The following PTPRD variants were observed in gnomAD, a reference collection of about 807,000 sequenced individuals.
The protein encoded by PTPRD is receptor-type tyrosine-protein phosphatase delta.
Under a neutral mutation model 214.5 loss-of-function variants are expected in PTPRD, and 34 were observed. The ratio of observed to expected loss-of-function variants is 0.16; its 90% CI spans 0.12 to 0.21. The LOEUF (loss-of-function observed/expected upper bound fraction) is 0.21. Among genes scored for constraint, PTPRD ranks in the 10% least tolerant of loss-of-function variants. PTPRD has a pLI of 1.00. For synonymous variants in PTPRD, 1,128 were observed against 845.7 expected (o/e 1.33, Z -5.79); for missense variants, 2,545 against 2,398.7 (o/e 1.06, Z -1.27).
intron 6 of PTPRD, among the ~76,000 whole-genome samples, chr9:9,744,703 T>C (rs1293379907): frequency 1.3e-5 from 2 of 151,608 alleles, no homozygotes; most frequent in African/African-American, 4.8e-5. Context: ...AGTAAAAGAG[T>C]AAACAAATTA....
In PTPRD at chr9:9,426,621, C is replaced by G. The variant is rs574446650; in HGVS notation, c.-236-29139G>C. Among the ~76,000 whole-genome samples the G allele has an allele frequency of 4.8e-4, 73 of 152,342 alleles. 1 individual carries two copies. Among genetic ancestry groups the G allele is most frequent in the African/African-American group, 1.6e-3 (67 of 41,594 alleles). On this transcript the variant is annotated intron_variant, in intron 8 of 45. Coordinates refer to ENST00000381196, the MANE Select transcript of PTPRD (RefSeq NM_002839.4). ...AGAGACTGCCTCCTCAAGTGGGACC[C>G]TGACCCCCGAGTCGCCTAACTGGAA...
chr9:9,347,510 A>T (rs534531032), intron 9 of PTPRD, among the ~76,000 whole-genome samples: 1 of 152,000 alleles, frequency 6.6e-6, no homozygotes, highest in African/African-American at 2.4e-5. Context: ...GGCCCTTACT[A>T]TATACAGGTG....
At chr9:9,613,082 C>T (rs1269768569) in intron 7 of PTPRD, among the ~76,000 whole-genome samples, 1 of 137,330 alleles carries the variant, frequency 7.3e-6, no homozygotes, top group East Asian at 2.3e-4. Context: ...GATGCTGATG[C>T]TGCTGGTTCA....
chr9:9,528,217 T>C (rs528972373), intron 8 of PTPRD, among the ~76,000 whole-genome samples: 134 of 152,238 alleles, frequency 8.8e-4, no homozygotes, highest in African/African-American at 2.9e-3. Context: ...CACTGAGCAA[T>C]TGTCTGTGTA....
intron 11 of PTPRD, among the ~76,000 whole-genome samples, chr9:8,764,681 T>C (rs894556514): frequency 2.6e-5 from 4 of 151,794 alleles, no homozygotes; most frequent in Non-Finnish European, 5.9e-5. Context: ...TGTAATCCCA[T>C]CTACTCAGGA....
chr9:9,323,843 C>T (rs553077049), intron 9 of PTPRD, among the ~76,000 whole-genome samples: 10 of 152,126 alleles, frequency 6.6e-5, no homozygotes, highest in Admixed American at 1.3e-4. Flanking sequence ...CCTACCCCAT[C>T]CCCGCACCCC....
At chr9:8,746,814 C>T (rs113286063) in intron 11 of PTPRD, among the ~76,000 whole-genome samples, 10,768 of 152,108 alleles carry the variant, frequency 0.071, 1,006 homozygotes, top group African/African-American at 0.22. Context: ...GGCAACATAA[C>T]AAGACCCCAT....
chr9:8,505,643 AAAGAAG>A (rs1183120746), intron 22 of PTPRD, among the ~76,000 whole-genome samples: 3 of 123,378 alleles, frequency 2.4e-5, no homozygotes, highest in South Asian at 2.6e-4. Flanking sequence ...AAAAAAAAAA[AAAGAAG>A]AAGAAGAAGA....
intron 2 of PTPRD, among the ~76,000 whole-genome samples, chr9:10,389,203 A>G (rs143958724): frequency 1.3e-5 from 2 of 151,960 alleles, no homozygotes; most frequent in Admixed American, 1.3e-4. Context: ...TAACCATATA[A>G]TCATGTTTTT....
In PTPRD at chr9:8,975,697, T is replaced by A. The variant is rs1428529676; in HGVS notation, c.-104+43000A>T. Among the ~76,000 whole-genome samples, 7 of 151,836 alleles carry A rather than the reference T, an allele frequency of 4.6e-5. 1 individual carries two copies. Among genetic ancestry groups the A allele is most frequent in the Non-Finnish European group, 1.0e-4 (7 of 67,894 alleles). ...TAAACATTTTGGATAAATATGTAAC[T>A]CTGATACTTTTTAGATATATTAAAA... On this transcript the variant is annotated intron_variant, in intron 11 of 45. Transcript: ENST00000381196.
intron 9 of PTPRD, among the ~76,000 whole-genome samples, chr9:9,266,636 T>C (rs1164278350): frequency 1.4e-5 from 2 of 147,898 alleles, no homozygotes; most frequent in Non-Finnish European, 3.0e-5. Flanking sequence ...GAAATTAAGG[T>C]GTAAATAAGT....
chr9:10,092,961 C>T (rs984320043), intron 3 of PTPRD, among the ~76,000 whole-genome samples: 21 of 151,274 alleles, frequency 1.4e-4, no homozygotes, highest in Admixed American at 3.3e-4. Flanking sequence ...TCAAGATAGA[C>T]TGAAGATTTA....
intron 9 of PTPRD, among the ~76,000 whole-genome samples, chr9:9,363,149 A>C (rs2056795174): frequency 7.1e-6 from 1 of 140,218 alleles, no homozygotes; most frequent in Non-Finnish European, 1.5e-5. Flanking sequence ...TTGTGGTCAC[A>C]TTAGAACTGG....
chr9:9,482,987 G>C (rs890436281), intron 8 of PTPRD, among the ~76,000 whole-genome samples: 6 of 152,086 alleles, frequency 3.9e-5, no homozygotes, highest in Non-Finnish European at 7.4e-5. Flanking sequence ...ATATTTAAAA[G>C]TTGATTTTTC....
At chr9:8,497,571 T>C (rs1256939667) in intron 25 of PTPRD, among the ~76,000 whole-genome samples, 3 of 152,234 alleles carry the variant, frequency 2.0e-5, no homozygotes, top group Non-Finnish European at 4.4e-5. Context: ...CCTACTCGTA[T>C]TTATTTTGAC....
chr9:9,684,244 T>C (rs1361149919), intron 7 of PTPRD, among the ~76,000 whole-genome samples: 1 of 151,750 alleles, frequency 6.6e-6, no homozygotes, highest in Non-Finnish European at 1.5e-5. Flanking sequence ...AATTTAAAAC[T>C]AAGCCTTTAA....
intron 2 of PTPRD, among the ~76,000 whole-genome samples, chr9:10,571,009 T>C (rs2131949000): frequency 6.6e-6 from 1 of 152,218 alleles, no homozygotes; most frequent in Non-Finnish European, 1.5e-5. Flanking sequence ...CAGAAGGTCA[T>C]GCTGCTGGTT....
chr9:8,316,892 ACT>A lies in PTPRD; in HGVS notation c.*980_*981del, dbSNP rs1169967329. On this transcript the variant is annotated 3_prime_UTR_variant, in exon 46 of 46. Transcript: ENST00000381196. ...TTTAAAAAAACTAAATCATGGAAGA[ACT>A]GACTGACTGATAACTGTATCTATTT... 1 of 187,874 alleles carries A rather than the reference ACT, an allele frequency of 5.3e-6. No homozygotes were observed. The highest frequency in any genetic ancestry group is 4.5e-5 in the African/African-American group (1 of 22,140). The allele number at this position is 187,874 out of a possible 1,614,324, so 11.6% of individuals were successfully genotyped here. A position where few individuals can be genotyped will look rare whatever the true frequency, so the allele number is the denominator to read the frequency against.
intron 8 of PTPRD, among the ~76,000 whole-genome samples, chr9:9,536,179 C>T (rs369640421): frequency 4.5e-4 from 69 of 152,058 alleles, no homozygotes; most frequent in East Asian, 4.5e-3. Context: ...TCACTTGCTG[C>T]ATTATTTTAT....
Sources: gnomAD v4.1 joint callset for allele counts (sites outside exome capture counted in the v4.1 genomes callset) on GRCh38, gnomAD v4.1.1 for gene constraint, MANE v1.5 for transcripts, NCBI Gene and HGNC (gene_info 2026-07-23, HGNC 2026-07-21) for gene names.